FNDC3B: variants seen among roughly 807,000 people sequenced by gnomAD.
FNDC3B encodes the protein fibronectin type III domain-containing protein 3B.
A neutral mutation model predicts 151.5 loss-of-function variants in FNDC3B; 12 were observed. The ratio of observed to expected loss-of-function variants is 0.08; its 90% CI spans 0.05 to 0.13. The LOEUF (loss-of-function observed/expected upper bound fraction) is 0.13. FNDC3B is among the 10% of genes least tolerant of loss of function. The pLI, the probability that FNDC3B is intolerant of heterozygous loss-of-function variation, is 1.00. For synonymous variants in FNDC3B, 528 were observed against 549.0 expected, an observed-to-expected ratio of 0.96 and a Z score of 0.54; for missense variants, 1,214 against 1,505.3, an observed-to-expected ratio of 0.81 and a Z score of 3.20.
chr3:172,045,179 T>C (rs1459701032), intron 1 of FNDC3B, among the ~76,000 whole-genome samples: 2 of 152,226 alleles, frequency 1.3e-5, no homozygotes, highest in Non-Finnish European at 2.9e-5. Flanking sequence ...GACCTCCAAA[T>C]TGTGCTTGGA....
intron 25 of FNDC3B, among the ~76,000 whole-genome samples, chr3:172,384,674 G>GA (rs35699252): frequency 6.6e-6 from 1 of 152,136 alleles, no homozygotes; most frequent in Non-Finnish European, 1.5e-5. Flanking sequence ...GTTTCCTGTT[G>GA]AAAAAAGCAG....
At chr3:172,199,610 C>CT (rs1335898071) in intron 3 of FNDC3B, among the ~76,000 whole-genome samples, 1 of 152,158 alleles carries the variant, frequency 6.6e-6, no homozygotes, top group African/African-American at 2.4e-5. Context: ...TATAATGAAA[C>CT]TAATTTTACC....
intron 1 of FNDC3B, among the ~76,000 whole-genome samples, chr3:172,111,870 TG>T (rs1719988923): frequency 6.6e-6 from 1 of 152,228 alleles, no homozygotes; most frequent in African/African-American, 2.4e-5. Context: ...TATGGCAATT[TG>T]TTCCTGAGAT....
intron 1 of FNDC3B, among the ~76,000 whole-genome samples, chr3:172,070,735 C>A (rs1341999014): frequency 1.3e-5 from 2 of 152,098 alleles, no homozygotes; most frequent in Non-Finnish European, 2.9e-5. Context: ...TAGTGGATCC[C>A]CCTGGACTTA....
chr3:172,054,039 T>C (rs1716799096), intron 1 of FNDC3B, among the ~76,000 whole-genome samples: 1 of 152,242 alleles, frequency 6.6e-6, no homozygotes, highest in Non-Finnish European at 1.5e-5. Flanking sequence ...GGAGTCCTTT[T>C]ACTCACTGGT....
chr3:172,318,842 C>T (rs143216854), intron 11 of FNDC3B, among the ~76,000 whole-genome samples: 2 of 152,286 alleles, frequency 1.3e-5, no homozygotes, highest in Admixed American at 6.5e-5. Flanking sequence ...CATGAGTGCC[C>T]ACTGCCATGT....
intron 21 of FNDC3B, among the ~76,000 whole-genome samples, chr3:172,351,159 A>G (rs948316110): frequency 1.3e-5 from 2 of 152,230 alleles, no homozygotes; most frequent in Non-Finnish European, 2.9e-5. Flanking sequence ...TGTAAAGTAC[A>G]GCAAAGAAGG....
chr3:172,212,904 T>C (rs1316159038), intron 3 of FNDC3B, among the ~76,000 whole-genome samples: 1 of 152,132 alleles, frequency 6.6e-6, no homozygotes, highest in Non-Finnish European at 1.5e-5. Flanking sequence ...TTGAATATCA[T>C]GCATATGCTA....
chr3:172,189,017 G>A (rs1183263175), intron 3 of FNDC3B, among the ~76,000 whole-genome samples: 1 of 152,030 alleles, frequency 6.6e-6, no homozygotes, highest in Non-Finnish European at 1.5e-5. Flanking sequence ...CATCTCACTG[G>A]GAAAGGAAGC....
At chr3:172,104,471 C>T (rs1385734715) in intron 1 of FNDC3B, among the ~76,000 whole-genome samples, 1 of 149,860 alleles carries the variant, frequency 6.7e-6, no homozygotes, top group Non-Finnish European at 1.5e-5. Context: ...AGTTCTTAGT[C>T]CCTCTCCATA....
chr3:172,313,573 G>A (rs6773689), intron 11 of FNDC3B, among the ~76,000 whole-genome samples: 47,284 of 152,102 alleles, frequency 0.31, 7,861 homozygotes, highest in African/African-American at 0.41. Context: ...ACATTGTCCT[G>A]TGAGGGATCT....
At chr3:172,073,257 G>T (rs947555915) in intron 1 of FNDC3B, among the ~76,000 whole-genome samples, 8 of 152,160 alleles carry the variant, frequency 5.3e-5, no homozygotes, top group African/African-American at 1.9e-4. Flanking sequence ...TGGAGAGAAG[G>T]TTCCTCCCAA....
At chr3:172,304,799 A>G (rs1307784016) in intron 9 of FNDC3B, among the ~76,000 whole-genome samples, 2 of 151,664 alleles carry the variant, frequency 1.3e-5, no homozygotes, top group Non-Finnish European at 2.9e-5. Context: ...CAGGGGGCCG[A>G]GGCAGGAGAC....
chr3:172,051,426 C>A lies in FNDC3B; in HGVS notation c.-29+11655C>A, dbSNP rs574108847. On this transcript the variant is annotated intron_variant, in intron 1 of 25. Transcript: ENST00000415807. ...GATGATTTCTGATTTAACTTGGGGT[C>A]TTTTAATCGTGGGTACACAGTAAAT... 3.9e-5 allele frequency among the ~76,000 whole-genome samples: 6 copies of A among 152,220 alleles called. No individual in the cohort carries two copies. In the East Asian group the frequency reaches 9.6e-4, roughly 24 times the overall value.
intron 11 of FNDC3B, chr3:172,316,546 G>A: frequency 2.6e-6 from 1 of 388,208 alleles, no homozygotes; most frequent in Non-Finnish European, 5.1e-6. Flanking sequence ...GAATTTTAAT[G>A]GGCAAATAAG....
At chr3:172,203,009 C>T (rs1287394929) in intron 3 of FNDC3B, among the ~76,000 whole-genome samples, 1 of 152,102 alleles carries the variant, frequency 6.6e-6, no homozygotes, top group Non-Finnish European at 1.5e-5. Flanking sequence ...GTACCAAAGC[C>T]GGCCATGGGC....
Position 172,329,028 on chromosome 3 carries a change from C to T in FNDC3B, c.1331C>T (p.Ala444Val). ...TGCAAGTTGACAAAGCTTTGTCCGG[C>T]AATGGGGTACACATTCAGGCTGGCC... ...KHCKLTKLCP[A>V]MGYTFRLAAR... Residue 444 changes from alanine to valine, a missense_variant, in exon 12 of 26, where the codon GCA (alanine) becomes GTA (valine). Ala to Val is a moderately conservative substitution (Grantham distance 64, BLOSUM62 0). This residue lies in a region of FNDC3B where 156 missense variants were observed against 225.3 expected (regional missense o/e 0.69). Coordinates refer to ENST00000415807, the MANE Select transcript of FNDC3B (RefSeq NM_022763.4). The T allele has an allele frequency of 6.2e-7, 1 of 1,613,840 alleles. No individual in the cohort carries two copies. The highest frequency in any genetic ancestry group is 8.5e-7 in the Non-Finnish European group (1 of 1,179,884).
At chr3:172,104,170 T>G (rs561487793) in intron 1 of FNDC3B, among the ~76,000 whole-genome samples, 8 of 152,216 alleles carry the variant, frequency 5.3e-5, no homozygotes, top group Non-Finnish European at 1.2e-4. Context: ...TTATGTGTCT[T>G]TTTTTAAGCT....
chr3:172,363,663 C>T (rs1734469979), intron 23 of FNDC3B, among the ~76,000 whole-genome samples: 1 of 152,188 alleles, frequency 6.6e-6, no homozygotes, highest in Non-Finnish European at 1.5e-5. Flanking sequence ...TCTGTTATTT[C>T]CTTTTATGCA....
Sources: allele counts gnomAD v4.1 joint callset (sites outside exome capture counted in the v4.1 genomes callset), GRCh38; gene constraint gnomAD v4.1.1; regional missense constraint gnomAD v4.1.1; transcripts MANE v1.5; gene names NCBI Gene and HGNC (gene_info 2026-07-23, HGNC 2026-07-21).